Variants in HS6ST3 observed in about 807,000 individuals in gnomAD.
HS6ST3 encodes heparan sulfate 6-O-sulfotransferase 3.
HS6ST3 carries 12 observed loss-of-function variants against 36.7 expected under a neutral mutation model. The observed-to-expected ratio is 0.33, with a 90% CI of 0.21 to 0.53. HS6ST3 has a LOEUF of 0.53. HS6ST3 is among the 20% of genes least tolerant of loss of function. The pLI is 0.95. For synonymous variants in HS6ST3, 240 were observed against 257.5 expected (o/e 0.93, Z 0.65); for missense variants, 584 against 640.9 (o/e 0.91, Z 0.96).
chr13:96,788,616 G>A (rs7982407), intron 1 of HS6ST3, among the ~76,000 whole-genome samples: 13,283 of 151,878 alleles, frequency 0.087, 1,962 homozygotes, highest in African/African-American at 0.3. Flanking sequence ...ACTTGTTACA[G>A]TGGTAAATGA....
intron 1 of HS6ST3, among the ~76,000 whole-genome samples, chr13:96,662,515 G>GGTGTGT (rs144795600): frequency 6.8e-6 from 1 of 147,780 alleles, no homozygotes; most frequent in Admixed American, 6.8e-5. Flanking sequence ...GTGTGTATGG[G>GGTGTGT]GTGTGTGTGT....
chr13:96,654,440 TC>T (rs200601872), intron 1 of HS6ST3, among the ~76,000 whole-genome samples: 6,787 of 152,274 alleles, frequency 0.045, 223 homozygotes, highest in Non-Finnish European at 0.069. Flanking sequence ...TATCCAGTTT[TC>T]CCAACACGAT....
At chr13:96,436,694 G>T (rs2055644312) in intron 1 of HS6ST3, among the ~76,000 whole-genome samples, 1 of 152,104 alleles carries the variant, frequency 6.6e-6, no homozygotes, top group African/African-American at 2.4e-5. Flanking sequence ...AAGAGAAAAG[G>T]CCATGTGAGG....
At chr13:96,460,401 A>T (rs577518481) in intron 1 of HS6ST3, among the ~76,000 whole-genome samples, 14 of 152,310 alleles carry the variant, frequency 9.2e-5, no homozygotes, top group Non-Finnish European at 1.9e-4. Flanking sequence ...TTAGTTTGGT[A>T]ACTAAACTTT....
chr13:96,494,511 G>A (rs1034508802), intron 1 of HS6ST3, among the ~76,000 whole-genome samples: 5 of 150,686 alleles, frequency 3.3e-5, no homozygotes, highest in Admixed American at 2.6e-4. Flanking sequence ...CCTGCACGTT[G>A]TGCACATGTA....
At chr13:96,760,629 T>C (rs997440362) in intron 1 of HS6ST3, among the ~76,000 whole-genome samples, 4 of 152,204 alleles carry the variant, frequency 2.6e-5, no homozygotes, top group African/African-American at 7.2e-5. Flanking sequence ...TTTGAACTGA[T>C]AGTGAAAATA....
chr13:96,338,333 C>T (rs2055112178), intron 1 of HS6ST3, among the ~76,000 whole-genome samples: 2 of 152,150 alleles, frequency 1.3e-5, no homozygotes. Context: ...GTGTACTTGG[C>T]TGCAGTATTC....
At chr13:96,346,533 C>A (rs559127124) in intron 1 of HS6ST3, among the ~76,000 whole-genome samples, 2 of 151,504 alleles carry the variant, frequency 1.3e-5, no homozygotes, top group East Asian at 3.9e-4. Flanking sequence ...CGAGATCGCG[C>A]CACTGCACTG....
At chr13:96,787,336 G>A (rs568811990) in intron 1 of HS6ST3, among the ~76,000 whole-genome samples, 2 of 151,988 alleles carry the variant, frequency 1.3e-5, no homozygotes, top group East Asian at 3.9e-4. Flanking sequence ...TTTCAGAGTG[G>A]CAGTTTTTAT....
intron 1 of HS6ST3, among the ~76,000 whole-genome samples, chr13:96,304,285 G>T (rs1306730264): frequency 6.6e-6 from 1 of 152,150 alleles, no homozygotes; most frequent in African/African-American, 2.4e-5. Context: ...TGAGGGTGGA[G>T]TTGCATCTCA....
intron 1 of HS6ST3, among the ~76,000 whole-genome samples, chr13:96,442,478 C>G (rs2055676326): frequency 1.3e-5 from 2 of 152,116 alleles, no homozygotes; most frequent in Non-Finnish European, 2.9e-5. Context: ...GAATTCTCAG[C>G]CAAGAATTCG....
At chr13:96,412,512 A>C (rs1230336015) in intron 1 of HS6ST3, among the ~76,000 whole-genome samples, 1 of 152,190 alleles carries the variant, frequency 6.6e-6, no homozygotes, top group Non-Finnish European at 1.5e-5. Flanking sequence ...TCTTATTCTT[A>C]ATCCATTAGA....
chr13:96,091,598 T>TGGGGGCCCCCCCCCC, intron 1 of HS6ST3, 29 bp downstream of exon 1: 1 of 1,488,806 alleles, frequency 6.7e-7, no homozygotes, highest in Non-Finnish European at 9.0e-7. Flanking sequence ...TCTCTGTTCT[T>TGGGGGCCCCCCCCCC]CCCCCCCACC....
intron 1 of HS6ST3, among the ~76,000 whole-genome samples, chr13:96,356,742 A>AT (rs1225290823): frequency 6.6e-6 from 1 of 152,206 alleles, no homozygotes; most frequent in Non-Finnish European, 1.5e-5. Flanking sequence ...GTAAATGAGC[A>AT]TTGGTTTCAT....
At position 96,316,046 on chromosome 13, in the gene HS6ST3, GTATTGAACACA is replaced by G. The variant is rs534867492; in HGVS notation, c.707+224482_707+224492del. Among the ~76,000 whole-genome samples, 1,054 of 152,232 alleles carry G rather than the reference GTATTGAACACA, an allele frequency of 6.9e-3. 13 individuals are homozygous for G. The highest frequency in any genetic ancestry group is 0.023 in the African/African-American group (966 of 41,524). On this transcript the variant is annotated intron_variant, in intron 1 of 1. Coordinates refer to ENST00000376705, the MANE Select transcript of HS6ST3 (RefSeq NM_153456.4). ...ATTATTGTGTTGATATTTACAGTTTGTATTGAACACATATTTGGAGTATAGACTCATGGTAA... is the reference window on the plus strand; with the variant it reads ...ATTATTGTGTTGATATTTACAGTTTGTATTTGGAGTATAGACTCATGGTAA...
intron 1 of HS6ST3, among the ~76,000 whole-genome samples, chr13:96,549,424 A>G (rs940310786): frequency 1.3e-5 from 2 of 152,178 alleles, no homozygotes; most frequent in South Asian, 4.1e-4. Context: ...AGAACAGTAG[A>G]TTGGAATATT....
At chr13:96,215,128 C>T (rs1240972190) in intron 1 of HS6ST3, among the ~76,000 whole-genome samples, 3 of 152,124 alleles carry the variant, frequency 2.0e-5, no homozygotes, top group South Asian at 2.1e-4. Flanking sequence ...GCTTGCTTTT[C>T]GGGCCCTTTA....
intron 1 of HS6ST3, among the ~76,000 whole-genome samples, chr13:96,186,082 G>A (rs1211743442): frequency 6.6e-6 from 1 of 152,120 alleles, no homozygotes; most frequent in Non-Finnish European, 1.5e-5. Context: ...ATGCATATAT[G>A]TGTATATGCG....
intron 1 of HS6ST3, among the ~76,000 whole-genome samples, chr13:96,161,150 A>C (rs529624967): frequency 6.6e-6 from 1 of 152,320 alleles, no homozygotes; most frequent in African/African-American, 2.4e-5. Flanking sequence ...TCTGCTTGAA[A>C]TATGGCAAGA....
Sources: allele counts gnomAD v4.1 joint callset (sites outside exome capture counted in the v4.1 genomes callset), GRCh38; gene constraint gnomAD v4.1.1; transcripts MANE v1.5; gene names NCBI Gene and HGNC (gene_info 2026-07-23, HGNC 2026-07-21).